Variants in IL17RC observed in about 807,000 individuals in gnomAD.
IL17RC encodes interleukin 17 receptor C, also known as interleukin-17 receptor C.
A neutral mutation model predicts 86.7 loss-of-function variants in IL17RC; 53 were observed. The ratio of observed to expected loss-of-function variants is 0.61; its 90% CI spans 0.49 to 0.77. The LOEUF is 0.77. IL17RC is among the 30% of genes least tolerant of loss of function. The pLI is 0.00. For missense variants in IL17RC, 957 were observed against 940.0 expected, an observed-to-expected ratio of 1.02 and a Z score of -0.24; for synonymous variants, 439 against 413.1, an observed-to-expected ratio of 1.06 and a Z score of -0.76.
rs1233319497 is a variant in IL17RC, at chr3:9,923,988, G to T, written c.730G>T (p.Gly244Cys). 11 of 1,613,920 alleles carry T rather than the reference G, an allele frequency of 6.8e-6. No homozygotes were observed. Among genetic ancestry groups the T allele is most frequent in the Admixed American group, 1.7e-5 (1 of 59,992 alleles). ...GLSLYWNQVQ[G>C]PPKPRWHKNL... ...CTCCCTGTACTGGAATCAGGTCCAG[G>T]GCCCCCCAAAACCCCGGTGGCACAA... Residue 244 changes from glycine (G) to cysteine (C), a missense_variant, in exon 8 of 19, where the codon GGC becomes TGC. By Grantham distance (159) the Gly-to-Cys change is radical. Transcript: ENST00000403601.
intron 12 of IL17RC, among the ~76,000 whole-genome samples, chr3:9,928,852 T>TACCTCATG (rs2084368678): frequency 6.6e-6 from 1 of 152,194 alleles, no homozygotes; most frequent in African/African-American, 2.4e-5. Flanking sequence ...ATACAGTAAC[T>TACCTCATG]ACCTCATGGA....
At chr3:9,926,673 A>T (rs1450983198) in intron 9 of IL17RC, among the ~76,000 whole-genome samples, 1 of 150,836 alleles carries the variant, frequency 6.6e-6, no homozygotes, top group Non-Finnish European at 1.5e-5. Flanking sequence ...GGCAGGCTGG[A>T]GTACAGTGGC....
At position 9,918,619 on chromosome 3, in the gene IL17RC, A is replaced by G; in HGVS notation, c.465+10A>G. 1 of 1,567,162 alleles carries G rather than the reference A, an allele frequency of 6.4e-7. No individual in the cohort carries two copies. Among genetic ancestry groups the G allele is most frequent in the Non-Finnish European group, 8.8e-7 (1 of 1,137,710 alleles). ...GTTTGGTCAGTCTGTGGTATGCAAAATAATAATAATCACCTTCTAAACCTA... is the reference window on the plus strand; with the variant it reads ...GTTTGGTCAGTCTGTGGTATGCAAAGTAATAATAATCACCTTCTAAACCTA... On this transcript the variant is annotated intron_variant, in intron 5 of 18. Coordinates refer to ENST00000403601, the MANE Select transcript of IL17RC (RefSeq NM_153460.4).
intron 12 of IL17RC, 29 bp from the exon 13 acceptor site, chr3:9,929,823 T>A: frequency 1.2e-6 from 2 of 1,613,912 alleles, no homozygotes; most frequent in Non-Finnish European, 1.7e-6. Context: ...CTTTTCTTAG[T>A]GGCCCTAACC....
Position 9,920,973 on chromosome 3 carries a change from G to T in IL17RC, c.622+4G>T, listed in dbSNP as rs778069127. ...AACAGCATCCCGAGCTGCTGGGGTA[G>T]GGGCTAGGGCCAGTGGGCCGGGGGT... On this transcript the variant is annotated splice_donor_region_variant and intron_variant, in intron 7 of 18. Coordinates refer to ENST00000403601, the MANE Select transcript of IL17RC (RefSeq NM_153460.4). The T allele has an allele frequency of 6.3e-7, 1 of 1,588,142 alleles. No homozygotes were observed. Among genetic ancestry groups the T allele is most frequent in the Non-Finnish European group, 8.5e-7 (1 of 1,170,650 alleles).
rs1311821159 is a variant in IL17RC at position 9,920,514 on chromosome 3, C to T, written c.489C>T (p.Phe163=). The T allele has an allele frequency of 3.1e-6, 5 of 1,602,956 alleles. No homozygotes were observed. Among genetic ancestry groups the T allele is most frequent in the Non-Finnish European group, 2.6e-6 (3 of 1,173,542 alleles). ...QSVGSVVYDC[F]EAALGSEVRI... is the part of the protein sequence containing the mutation. ...AGGGCTCTGTGGTATATGACTGCTT[C>T]GAGGCTGCCCTAGGGAGTGAGGTAC... is the stretch of plus-strand genomic sequence containing the variant. Residue 163 remains phenylalanine (F), a synonymous_variant, in exon 6 of 19, where the codon TTC becomes TTT. Coordinates refer to ENST00000403601, the MANE Select transcript of IL17RC (RefSeq NM_153460.4).
In IL17RC at chr3:9,920,502, A is replaced by G; in HGVS notation, c.477A>G (p.Val159=). 4 of 1,597,566 alleles carry G rather than the reference A, an allele frequency of 2.5e-6. No individual in the cohort carries two copies. The highest frequency in any genetic ancestry group is 1.1e-5 in the South Asian group (1 of 88,792). The part of the protein sequence containing the change: ...VQFGQSVGSV[V]YDCFEAALGS... Reference sequence around the variant, plus strand: ...CCCTCTCCTCACAGGGCTCTGTGGTATATGACTGCTTCGAGGCTGCCCTAG... The same window carrying G: ...CCCTCTCCTCACAGGGCTCTGTGGTGTATGACTGCTTCGAGGCTGCCCTAG... The change falls in exon 6 of 19, where the codon GTA becomes GTG. Residue 159 remains valine (V), a synonymous_variant. Transcript: ENST00000403601.
At position 9,920,557 on chromosome 3, in the gene IL17RC, C is replaced by G; in HGVS notation, c.532C>G (p.Gln178Glu). The change falls in exon 6 of 19, where the codon CAG (glutamine) becomes GAG (glutamate). Residue 178 changes from glutamine to glutamate, a missense_variant. By Grantham distance (29) the Gln-to-Glu change is conservative. Coordinates refer to ENST00000403601, the MANE Select transcript of IL17RC (RefSeq NM_153460.4). The part of the protein sequence containing the change: ...GSEVRIWSYT[Q>E]PRYEKELNHT... Reference sequence around the variant, plus strand: ...TGAGGTACGAATCTGGTCCTATACTCAGCCCAGGTACGAGAAGGAACTCAA... The same window carrying G: ...TGAGGTACGAATCTGGTCCTATACTGAGCCCAGGTACGAGAAGGAACTCAA... 1 of 1,608,754 alleles carries G rather than the reference C, an allele frequency of 6.2e-7. No individual in the cohort carries two copies. The highest frequency in any genetic ancestry group is 8.5e-7 in the Non-Finnish European group (1 of 1,177,036).
Position 9,930,296 on chromosome 3 carries a change from T to C in IL17RC, c.1279-104T>C. 6.5e-7 allele frequency: 1 copy of C among 1,528,874 alleles called. No homozygotes were observed. The highest frequency in any genetic ancestry group is 2.3e-5 in the East Asian group (1 of 44,122). 94.7% of individuals were successfully genotyped at this position (1,528,874 alleles called of 1,614,324 possible). ...GCCATATTCAGCGGCATCACCAAAG[T>C]CTCCCAGTCCCCTCTACCTCATTCT... On this transcript the variant is annotated intron_variant, in intron 14 of 18. Transcript: ENST00000403601. This position sits in a 1 kb window ranked among gnomAD's most constrained non-coding sequence, Gnocchi z 5.8.
chr3:9,925,794 T>C (rs2125222193), intron 9 of IL17RC, among the ~76,000 whole-genome samples: 1 of 151,974 alleles, frequency 6.6e-6, no homozygotes, highest in Admixed American at 6.6e-5. Context: ...CTCTCCTAGC[T>C]CCAAATCCCC....
intron 7 of IL17RC, among the ~76,000 whole-genome samples, chr3:9,922,937 A>G (rs1465672655): frequency 6.6e-6 from 1 of 151,982 alleles, no homozygotes; most frequent in Non-Finnish European, 1.5e-5. Context: ...GCACTTTGGG[A>G]GGCCGAGGCT....
intron 9 of IL17RC, among the ~76,000 whole-genome samples, chr3:9,926,668 G>A (rs553175661): frequency 2.6e-5 from 4 of 151,812 alleles, no homozygotes; most frequent in Non-Finnish European, 5.9e-5. Flanking sequence ...CTATTGGCAG[G>A]CTGGAGTACA....
intron 9 of IL17RC, among the ~76,000 whole-genome samples, chr3:9,927,595 G>A (rs140696250): frequency 6.6e-6 from 1 of 151,462 alleles, no homozygotes; most frequent in Non-Finnish European, 1.5e-5. Context: ...ATTATCCAAG[G>A]TCTCTTGTGC....
chr3:9,932,566 G>A, intron 16 of IL17RC, 42 bp from the exon 17 acceptor site: 1 of 1,558,802 alleles, frequency 6.4e-7, no homozygotes, highest in Non-Finnish European at 8.9e-7. Flanking sequence ...TTTCTTCTCT[G>A]TGGAGGGTAA....
intron 8 of IL17RC, 44 bp downstream of exon 8, chr3:9,924,064 T>G: frequency 6.2e-7 from 1 of 1,611,758 alleles, no homozygotes; most frequent in Non-Finnish European, 8.5e-7. Context: ...TGTAGGCCGA[T>G]GCCTGTGCAA....
At chr3:9,926,031 CTTTTTT>C (rs5846649) in intron 9 of IL17RC, among the ~76,000 whole-genome samples, 1 of 89,782 alleles carries the variant, frequency 1.1e-5, no homozygotes, top group Non-Finnish European at 2.1e-5. Flanking sequence ...TAATTGTTTC[CTTTTTT>C]TTTTTTTTTT....
chr3:9,922,828 G>C, intron 7 of IL17RC, among the ~76,000 whole-genome samples: 1 of 152,014 alleles, frequency 6.6e-6, no homozygotes, highest in East Asian at 1.9e-4. Context: ...AGGGAAGAGA[G>C]AATAGCCAGC....
At position 9,930,689 on chromosome 3, in the gene IL17RC, G is replaced by T; in HGVS notation, c.1339-206G>T. On this transcript the variant is annotated intron_variant, in intron 15 of 18. Coordinates refer to ENST00000403601, the MANE Select transcript of IL17RC (RefSeq NM_153460.4). This position sits in a 1 kb window ranked among gnomAD's most constrained non-coding sequence, Gnocchi z 5.8. Reference sequence around the variant, plus strand: ...GGGTTCCAGGGAGAGCTTCCGGGAAGAATTTCTTCCTATAAGCCAGATTTG... The same window carrying T: ...GGGTTCCAGGGAGAGCTTCCGGGAATAATTTCTTCCTATAAGCCAGATTTG... 3.0e-6 allele frequency: 2 copies of T among 675,044 alleles called. No homozygotes were observed. The highest frequency in any genetic ancestry group is 1.9e-5 in the South Asian group (1 of 53,806). The allele number at this position is 675,044 out of a possible 1,614,324, so 41.8% of individuals were successfully genotyped here.
chr3:9,921,842 G>A (rs1040898456), intron 7 of IL17RC, among the ~76,000 whole-genome samples: 18 of 150,316 alleles, frequency 1.2e-4, no homozygotes, highest in African/African-American at 4.4e-4. Context: ...AGCCAGGATG[G>A]TCTTGATCTC....
Sources: allele counts gnomAD v4.1 joint callset (sites outside exome capture counted in the v4.1 genomes callset), GRCh38; gene constraint gnomAD v4.1.1; non-coding constraint Gnocchi (gnomAD v3.1); transcripts MANE v1.5; gene names NCBI Gene and HGNC (gene_info 2026-07-23, HGNC 2026-07-21).